FBXL13: variants seen among roughly 807,000 people sequenced by gnomAD.
FBXL13 encodes the protein F-box and leucine rich repeat protein 13, also known as F-box and leucine-rich repeat protein 13.
Under a neutral mutation model 83.6 loss-of-function variants are expected in FBXL13, and 67 were observed. That is an observed-to-expected ratio of 0.80 (90% confidence interval 0.66 to 0.98). FBXL13 has a LOEUF of 0.98. FBXL13 is among the 50% of genes least tolerant of loss of function. The probability of loss-of-function intolerance (pLI) is 0.00; values close to 1 mark genes in which losing one functional copy is unlikely to be tolerated. For missense variants in FBXL13, 822 were observed against 866.5 expected, an observed-to-expected ratio of 0.95 and a Z score of 0.64; for synonymous variants, 272 against 299.5, an observed-to-expected ratio of 0.91 and a Z score of 0.95.
At chr7:102,873,651 T>A (rs561908982) in intron 16 of FBXL13, among the ~76,000 whole-genome samples, 71 of 152,332 alleles carry the variant, frequency 4.7e-4, no homozygotes, top group African/African-American at 1.6e-3. Flanking sequence ...TGAATGTCCT[T>A]CCACGGTCCA....
chr7:103,034,115 A>C (rs1478438408), intron 2 of FBXL13, among the ~76,000 whole-genome samples: 1 of 152,210 alleles, frequency 6.6e-6, no homozygotes, highest in Admixed American at 6.5e-5. Context: ...GTGTATTTAC[A>C]ATCCCTTAGC....
intron 6 of FBXL13, among the ~76,000 whole-genome samples, chr7:102,971,429 C>G (rs1221420914): frequency 6.6e-6 from 1 of 151,858 alleles, no homozygotes; most frequent in Non-Finnish European, 1.5e-5. Context: ...GAAACCCCCT[C>G]TCTACTAAAA....
intron 17 of FBXL13, among the ~76,000 whole-genome samples, chr7:102,840,752 T>C (rs959845123): frequency 1.2e-4 from 19 of 152,210 alleles, no homozygotes; most frequent in African/African-American, 4.3e-4. Flanking sequence ...GCCTGGAATC[T>C]GAAATTGTAT....
chr7:102,948,942 C>T (rs1351080546), intron 8 of FBXL13, among the ~76,000 whole-genome samples: 1 of 151,418 alleles, frequency 6.6e-6, no homozygotes, highest in Non-Finnish European at 1.5e-5. Flanking sequence ...AAACTCCTGG[C>T]CTCAAGTGAT....
chr7:102,912,671 A>ACCCCC (rs3832498), intron 11 of FBXL13, among the ~76,000 whole-genome samples: 3 of 73,538 alleles, frequency 4.1e-5, no homozygotes, highest in East Asian at 3.9e-4. Context: ...ATAGCATTTT[A>ACCCCC]CCCCCCCCCC....
At chr7:102,914,935 T>C (rs1205163016) in intron 10 of FBXL13, among the ~76,000 whole-genome samples, 7 of 152,116 alleles carry the variant, frequency 4.6e-5, no homozygotes, top group Admixed American at 2.0e-4. Context: ...CAGGGTGTCA[T>C]TTCTAGCAAT....
chr7:102,869,424 G>A (rs1389012261), intron 16 of FBXL13, among the ~76,000 whole-genome samples: 3 of 152,114 alleles, frequency 2.0e-5, no homozygotes, highest in Admixed American at 1.3e-4. Context: ...CCATTCCATA[G>A]GTGGTCTCTT....
At chr7:103,037,458 T>A (rs1401686696) in intron 2 of FBXL13, among the ~76,000 whole-genome samples, 1 of 152,238 alleles carries the variant, frequency 6.6e-6, no homozygotes, top group Non-Finnish European at 1.5e-5. Flanking sequence ...TTTAGGGTTT[T>A]TTTTACACGA....
At chr7:102,815,757 G>T (rs765151847) in intron 19 of FBXL13, among the ~76,000 whole-genome samples, 1 of 151,998 alleles carries the variant, frequency 6.6e-6, no homozygotes, top group African/African-American at 2.4e-5. Context: ...TAGATAACTG[G>T]TAAGAGGATA....
chr7:103,016,838 T>C (rs2129487159), intron 6 of FBXL13, among the ~76,000 whole-genome samples: 2 of 152,274 alleles, frequency 1.3e-5, no homozygotes, highest in East Asian at 3.9e-4. Flanking sequence ...AAGCTCGAAC[T>C]GGGTAGAGCC....
intron 9 of FBXL13, 68 bp downstream of exon 10, chr7:102,931,813 C>T: frequency 7.0e-7 from 1 of 1,429,374 alleles, no homozygotes. Context: ...ATCTATTCTG[C>T]ATATTGGCAC....
chr7:102,980,645 T>C lies in FBXL13; in HGVS notation c.496-12528A>G, dbSNP rs145578096. Among the ~76,000 whole-genome samples the C allele has an allele frequency of 3.7e-3, 564 of 152,076 alleles. 4 individuals are homozygous for C. The highest frequency in any genetic ancestry group is 0.013 in the African/African-American group (557 of 41,490). ...ACAAAGAATTAGCCGGGTGTGGTGG[T>C]GGGCACCTGCAGTCCCAGCTACTCA... is the stretch of plus-strand genomic sequence containing the variant. On this transcript the variant is annotated intron_variant, in intron 6 of 19. Transcript: ENST00000313221.
intron 17 of FBXL13, among the ~76,000 whole-genome samples, chr7:102,844,775 A>C (rs1309173566): frequency 6.6e-6 from 1 of 152,200 alleles, no homozygotes; most frequent in East Asian, 1.9e-4. Context: ...AGTAGATTTC[A>C]GATGCCAATC....
intron 10 of FBXL13, among the ~76,000 whole-genome samples, chr7:102,925,926 G>A (rs1173059594): frequency 7.8e-6 from 1 of 127,464 alleles, no homozygotes; most frequent in South Asian, 2.7e-4. Context: ...GGGCGACAGA[G>A]CAAGACTCTG....
intron 1 of FBXL13, among the ~76,000 whole-genome samples, chr7:103,060,024 A>T (rs1472598163): frequency 2.9e-5 from 2 of 69,484 alleles, no homozygotes; most frequent in African/African-American, 1.3e-4. Context: ...GATATTTTAT[A>T]TATATATATA....
At chr7:102,927,417 C>A (rs2129472237) in intron 9 of FBXL13, among the ~76,000 whole-genome samples, 1 of 152,252 alleles carries the variant, frequency 6.6e-6, no homozygotes, top group African/African-American at 2.4e-5. Flanking sequence ...GAAATATGAC[C>A]ACTCCTAACA....
In FBXL13 at chr7:103,025,187, A is replaced by AAT; in HGVS notation, c.370_371insAT (p.Leu124TyrfsTer2). ...TTCTGCAGCAGCTCTTTTGAGTATT[A>AAT]ACCTATTTTTCCATTTTTTCAATTG... On this transcript the variant is annotated frameshift_variant, in exon 6 of 20. Coordinates refer to ENST00000313221, the Ensembl canonical transcript of FBXL13. LOFTEE classifies it high-confidence loss of function. 2 of 1,593,872 alleles carry AAT rather than the reference A, an allele frequency of 1.3e-6. No homozygotes were observed. The highest frequency in any genetic ancestry group is 1.7e-6 in the Non-Finnish European group (2 of 1,167,600).
intron 8 of FBXL13, among the ~76,000 whole-genome samples, chr7:102,935,254 T>C (rs1428220813): frequency 3.1e-4 from 40 of 130,132 alleles, no homozygotes; most frequent in East Asian, 6.6e-4. Context: ...TTTTTTTTTT[T>C]TTTTTTTTTT....
At chr7:102,943,509 C>T (rs1821869320) in intron 8 of FBXL13, among the ~76,000 whole-genome samples, 4 of 152,100 alleles carry the variant, frequency 2.6e-5, no homozygotes, top group Admixed American at 2.6e-4. Context: ...TCTATCAATC[C>T]AGAAATTCTC....
Sources: allele counts gnomAD v4.1 joint callset (sites outside exome capture counted in the v4.1 genomes callset), GRCh38; gene constraint gnomAD v4.1.1; transcripts MANE v1.5; gene names NCBI Gene and HGNC (gene_info 2026-07-23, HGNC 2026-07-21).